The following DOCK1 variants were observed in gnomAD, a reference collection of about 807,000 sequenced individuals.
DOCK1 encodes dedicator of cytokinesis protein 1.
Under a neutral mutation model 262.7 loss-of-function variants are expected in DOCK1, and 138 were observed. The ratio of observed to expected loss-of-function variants is 0.53; its 90% CI spans 0.46 to 0.61. The LOEUF (loss-of-function observed/expected upper bound fraction) is 0.61, where lower values mean the gene tolerates loss of function less well. Among genes scored for constraint, DOCK1 ranks in the 20% least tolerant of loss-of-function variants. The pLI is 0.00. For missense variants in DOCK1, 1,908 were observed against 2,370.7 expected, an observed-to-expected ratio of 0.80 and a Z score of 4.05; for synonymous variants, 866 against 867.4, an observed-to-expected ratio of 1.00 and a Z score of 0.03.
chr10:126,988,477 A>G (rs1221156931), intron 5 of DOCK1: 1 of 152,226 alleles, frequency 6.6e-6, no homozygotes, highest in Non-Finnish European at 1.5e-5. Context: ...CAGTTGCAGT[A>G]ATTGTCATCA....
chr10:127,336,528 A>G (rs1324630073), intron 29 of DOCK1, among the ~76,000 whole-genome samples: 1 of 150,306 alleles, frequency 6.7e-6, no homozygotes, highest in East Asian at 1.9e-4. Flanking sequence ...TTAGCATGAC[A>G]TACATAGTTT....
chr10:127,448,629 T>G (rs1403857749), intron 51 of DOCK1, among the ~76,000 whole-genome samples: 1 of 152,162 alleles, frequency 6.6e-6, no homozygotes, highest in African/African-American at 2.4e-5. Flanking sequence ...CTTTGACAAT[T>G]AAATCAGTGG....
intron 27 of DOCK1, among the ~76,000 whole-genome samples, chr10:127,132,855 C>T (rs1424645243): frequency 1.3e-5 from 2 of 152,024 alleles, no homozygotes; most frequent in Non-Finnish European, 2.9e-5. Flanking sequence ...TGGATACACA[C>T]GAGGGGATTG....
chr10:127,244,204 C>A lies in DOCK1; in HGVS notation c.2848-3804C>A, dbSNP rs570752990. On this transcript the variant is annotated intron_variant, in intron 27 of 51. Transcript: ENST00000623213. ...GTATCTCTCATGTAATATTTCATTGCAACGTTTGGGACATATTTATTTTTC... is the reference window on the plus strand; with the variant it reads ...GTATCTCTCATGTAATATTTCATTGAAACGTTTGGGACATATTTATTTTTC... Among the ~76,000 whole-genome samples, 13 of 152,020 alleles carry A rather than the reference C, an allele frequency of 8.6e-5. No individual in the cohort carries two copies. The South Asian group carries it at 2.7e-3, about 32-fold the overall frequency.
chr10:126,976,466 C>T (rs1187716511), intron 2 of DOCK1, among the ~76,000 whole-genome samples: 2 of 152,184 alleles, frequency 1.3e-5, no homozygotes, highest in Non-Finnish European at 2.9e-5. Context: ...CTCATCTTAA[C>T]ACCATCACTT....
chr10:127,323,036 A>G (rs2062603100), intron 29 of DOCK1, among the ~76,000 whole-genome samples: 1 of 152,118 alleles, frequency 6.6e-6, no homozygotes, highest in African/African-American at 2.4e-5. Flanking sequence ...TCTGTTTCAC[A>G]AGTTCTGGAT....
At chr10:127,221,559 A>G (rs1350360510) in intron 27 of DOCK1, among the ~76,000 whole-genome samples, 1 of 152,194 alleles carries the variant, frequency 6.6e-6, no homozygotes, top group Admixed American at 6.5e-5. Flanking sequence ...TCCTTGTGAC[A>G]TCCCTTCAGT....
At chr10:127,398,173 G>T (rs1247066723) in intron 38 of DOCK1, among the ~76,000 whole-genome samples, 2 of 152,216 alleles carry the variant, frequency 1.3e-5, no homozygotes. Context: ...CTGAGTCTGT[G>T]TCAGAAAGGT....
intron 38 of DOCK1, among the ~76,000 whole-genome samples, chr10:127,387,434 G>A (rs1029233049): frequency 1.3e-5 from 2 of 152,176 alleles, no homozygotes; most frequent in Admixed American, 6.5e-5. Flanking sequence ...GTTACTTTGT[G>A]GTAGAGGACC....
chr10:127,259,139 G>A (rs1424481059), intron 29 of DOCK1, among the ~76,000 whole-genome samples: 2 of 152,170 alleles, frequency 1.3e-5, no homozygotes, highest in East Asian at 1.9e-4. Flanking sequence ...TGGTGAGGAA[G>A]CCCCGGAGAC....
chr10:126,946,103 A>G (rs2035379119), intron 1 of DOCK1, among the ~76,000 whole-genome samples: 1 of 152,202 alleles, frequency 6.6e-6, no homozygotes. Context: ...TTTTAAATTT[A>G]TGGGAAAAAT....
Position 127,384,894 on chromosome 10 carries a change from C to T in DOCK1, c.3912C>T (p.Tyr1304=). Residue 1304 remains tyrosine (Y), a synonymous_variant, in exon 38 of 52, where the codon TAC becomes TAT. Coordinates refer to ENST00000623213, the MANE Select transcript of DOCK1 (RefSeq NM_001290223.2). ...KEQLYQEIIH[Y]FDKGKMWEEA... is the part of the protein sequence containing the mutation. ...AGCTCTACCAGGAAATCATCCACTA[C>T]TTCGACAAAGGCAAGGTAAAACACA... The T allele has an allele frequency of 6.2e-7, 1 of 1,601,724 alleles. No individual in the cohort carries two copies. The highest frequency in any genetic ancestry group is 8.5e-7 in the Non-Finnish European group (1 of 1,176,070).
At chr10:127,374,429 A>G (rs1320923133) in intron 35 of DOCK1, among the ~76,000 whole-genome samples, 1 of 152,114 alleles carries the variant, frequency 6.6e-6, no homozygotes, top group African/African-American at 2.4e-5. Context: ...GGACGTTTTA[A>G]TGTCGCTCTC....
chr10:127,180,963 G>A (rs375247762), intron 27 of DOCK1, among the ~76,000 whole-genome samples: 3 of 152,248 alleles, frequency 2.0e-5, no homozygotes, highest in South Asian at 2.1e-4. Context: ...GAGGTACAGC[G>A]TCGTTCTGGT....
intron 31 of DOCK1, 62 bp from the exon 32 acceptor site, chr10:127,354,607 C>A: frequency 6.3e-7 from 1 of 1,598,656 alleles, no homozygotes; most frequent in Non-Finnish European, 8.6e-7. Flanking sequence ...AAAAATAATT[C>A]CAGTCCGATT....
intron 45 of DOCK1, 125 bp downstream of exon 45, chr10:127,418,666 C>A: frequency 8.0e-7 from 1 of 1,243,806 alleles, no homozygotes; most frequent in Non-Finnish European, 1.1e-6. Flanking sequence ...AGTGGCCCAG[C>A]CAAGGCCAGG....
chr10:127,177,796 G>C (rs1484638253), intron 27 of DOCK1, among the ~76,000 whole-genome samples: 1 of 152,282 alleles, frequency 6.6e-6, no homozygotes, highest in African/African-American at 2.4e-5. Flanking sequence ...TCGAGTGCCA[G>C]ATGCTCTGCT....
In DOCK1 at chr10:127,446,456, A is replaced by G. The variant is rs1251370288; in HGVS notation, c.5414-938A>G. On this transcript the variant is annotated intron_variant, in intron 50 of 51. Coordinates refer to ENST00000623213, the MANE Select transcript of DOCK1 (RefSeq NM_001290223.2). This position sits in a 1 kb window ranked among gnomAD's most constrained non-coding sequence, Gnocchi z 4.4. ...TCCCCTAAAGGATGGCTAAAATGGC[A>G]AATTTTATGTCGTGTATATCTTACC... Among the ~76,000 whole-genome samples, 1 of 152,176 alleles carries G rather than the reference A, an allele frequency of 6.6e-6. No homozygotes were observed. The highest frequency in any genetic ancestry group is 1.5e-5 in the Non-Finnish European group (1 of 68,022).
At chr10:126,978,791 T>A (rs781344604) in intron 3 of DOCK1, among the ~76,000 whole-genome samples, 2 of 152,214 alleles carry the variant, frequency 1.3e-5, no homozygotes, top group Non-Finnish European at 2.9e-5. Flanking sequence ...TATCTCCTTA[T>A]TGGGCTGGAC....
Sources: gnomAD v4.1 joint callset for allele counts (sites outside exome capture counted in the v4.1 genomes callset) on GRCh38, gnomAD v4.1.1 for gene constraint, Gnocchi (gnomAD v3.1) non-coding constraint, MANE v1.5 for transcripts, NCBI Gene and HGNC (gene_info 2026-07-23, HGNC 2026-07-21) for gene names.